The following MPDZ variants were observed in gnomAD, a reference collection of about 807,000 sequenced individuals.
MPDZ encodes multiple PDZ domain protein.
In MPDZ, 234 loss-of-function variants were observed where a neutral mutation model predicts 239.1. The observed-to-expected ratio is 0.98, with a 90% CI of 0.88 to 1.09. The LOEUF is 1.09. MPDZ is among the 50% of genes least tolerant of loss of function. The pLI is 0.00. For missense variants in MPDZ, 3,175 were observed against 2,510.0 expected (o/e 1.26, Z -5.66); for synonymous variants, 1,048 against 881.3 (o/e 1.19, Z -3.35).
chr9:13,270,033 T>C (rs1009827479), intron 1 of MPDZ, among the ~76,000 whole-genome samples: 9 of 152,348 alleles, frequency 5.9e-5, no homozygotes, highest in African/African-American at 2.2e-4. Context: ...GGGGTTATCT[T>C]GACAAGTGAT....
rs774590252 is a variant in MPDZ at position 13,236,245 on chromosome 9, G to GTATATATATATATATATATA, written c.183+11389_183+11390insTATATATATATATATATATA. Reference sequence around the variant, plus strand: ...TGTGTGTATATGTATATGTGTGTGTGTGTGTATATATATATATATATATTT... The same window carrying GTATATATATATATATATATA: ...TGTGTGTATATGTATATGTGTGTGTGTATATATATATATATATATATGTGTATATATATATATATATATTT... On this transcript the variant is annotated intron_variant, in intron 3 of 46. Coordinates refer to ENST00000319217, the MANE Select transcript of MPDZ (RefSeq NM_001378778.1). Among the ~76,000 whole-genome samples, 34 of 13,454 alleles carry GTATATATATATATATATATA rather than the reference G, an allele frequency of 2.5e-3. 1 individual carries two copies. The highest frequency in any genetic ancestry group is 0.013 in the East Asian group (1 of 78). 8.8% of individuals were successfully genotyped at this position (13,454 alleles called of 152,430 possible). A position where few individuals can be genotyped will look rare whatever the true frequency, so the allele number is the denominator to read the frequency against.
At chr9:13,224,637 T>A in intron 3 of MPDZ, 54 bp from the exon 4 acceptor site, 1 of 1,203,352 alleles carries the variant, frequency 8.3e-7, no homozygotes, top group South Asian at 1.5e-5. Flanking sequence ...AACTATTTCA[T>A]AGAAAATATC....
chr9:13,145,927 C>CA, intron 26 of MPDZ, among the ~76,000 whole-genome samples: 2 of 151,602 alleles, frequency 1.3e-5, no homozygotes, highest in South Asian at 2.1e-4. Flanking sequence ...ATAAATAAAA[C>CA]AAAAAAAGGA....
At chr9:13,262,870 T>C in intron 1 of MPDZ, among the ~76,000 whole-genome samples, 1 of 152,208 alleles carries the variant, frequency 6.6e-6, no homozygotes, top group Admixed American at 6.5e-5. Context: ...TAAAAAATAG[T>C]ATATGGGCCA....
chr9:13,124,938 T>C (rs1944899469), intron 35 of MPDZ, among the ~76,000 whole-genome samples: 1 of 152,152 alleles, frequency 6.6e-6, no homozygotes, highest in Non-Finnish European at 1.5e-5. Context: ...AAGAATACTA[T>C]TCCCTTGTTT....
At chr9:13,189,528 C>A (rs1954611755) in intron 16 of MPDZ, among the ~76,000 whole-genome samples, 1 of 152,090 alleles carries the variant, frequency 6.6e-6, no homozygotes, top group Admixed American at 6.6e-5. Flanking sequence ...GAGTCAGGCC[C>A]TATGAACACA....
intron 32 of MPDZ, 73 bp downstream of exon 32, chr9:13,133,751 T>C (rs1946351108): frequency 9.1e-7 from 1 of 1,099,144 alleles, no homozygotes. Context: ...ACCACACTTT[T>C]GAGAACACAG....
At chr9:13,176,957 G>C (rs561046172) in intron 19 of MPDZ, among the ~76,000 whole-genome samples, 1 of 152,120 alleles carries the variant, frequency 6.6e-6, no homozygotes, top group African/African-American at 2.4e-5. Context: ...AATTATCGTA[G>C]GAAAAATTTG....
Position 13,140,165 on chromosome 9 carries a change from G to C in MPDZ, c.3841-16C>G, listed in dbSNP as rs376063407. On this transcript the variant is annotated splice_polypyrimidine_tract_variant and intron_variant, in intron 27 of 46. Coordinates refer to ENST00000319217, the MANE Select transcript of MPDZ (RefSeq NM_001378778.1). ...GACTGGGTGCCTGTGGGAACAAAAA[G>C]AATGCAGTGGGTTTGTACAGTCTAA... is the stretch of plus-strand genomic sequence containing the variant. 9.3e-6 allele frequency: 15 copies of C among 1,611,812 alleles called. No homozygotes were observed. Among genetic ancestry groups the C allele is most frequent in the Middle Eastern group, 1.6e-4 (1 of 6,076 alleles).
rs1409555171 is a variant in MPDZ, at chr9:13,112,047, C to T, written c.5701G>A (p.Ala1901Thr). 1 of 1,613,604 alleles carries T rather than the reference C, an allele frequency of 6.2e-7. No individual in the cohort carries two copies. Among genetic ancestry groups the T allele is most frequent in the Non-Finnish European group, 8.5e-7 (1 of 1,179,630 alleles). The change falls in exon 43 of 47, where the codon GCA becomes ACA. Residue 1901 changes from alanine to threonine, a missense_variant. Physicochemically the swap from Ala to Thr is moderately conservative, Grantham distance 58 (BLOSUM62 0). Transcript: ENST00000319217. ...FIAMMHPTGV[A>T]AQTQKLRVGD... Reference sequence around the variant, plus strand: ...ACTCTGAGTTTTTGGGTCTGTGCTGCAACTCCAGTTGGGTGCATCATTGCA... The same window carrying T: ...ACTCTGAGTTTTTGGGTCTGTGCTGTAACTCCAGTTGGGTGCATCATTGCA...
chr9:13,127,241 T>C (rs1433259938), intron 32 of MPDZ, among the ~76,000 whole-genome samples: 1 of 152,176 alleles, frequency 6.6e-6, no homozygotes, highest in African/African-American at 2.4e-5. Flanking sequence ...CTGCCATTAC[T>C]GATGCAGACT....
At chr9:13,116,895 G>A (rs1034677888) in intron 39 of MPDZ, among the ~76,000 whole-genome samples, 9 of 152,014 alleles carry the variant, frequency 5.9e-5, no homozygotes, top group East Asian at 3.9e-4. Context: ...GCATCTATGC[G>A]GTAAATACAA....
intron 46 of MPDZ, among the ~76,000 whole-genome samples, 183 bp downstream of exon 46, chr9:13,108,753 T>C (rs1941912758): frequency 1.3e-5 from 2 of 152,138 alleles, no homozygotes; most frequent in East Asian, 1.9e-4. Context: ...TTCCTTTAAA[T>C]ATAATGAAAC....
rs376956306 is a variant in MPDZ, at chr9:13,107,115, C to A, written c.6067-4G>T. 124 of 1,560,558 alleles carry A rather than the reference C, an allele frequency of 7.9e-5. No individual in the cohort carries two copies. Among genetic ancestry groups the A allele is most frequent in the Middle Eastern group, 6.9e-4 (4 of 5,830 alleles). ...GTCCGTCTTCAGAGGCTGCTCCCTG[C>A]AAATTATAAAGTAGACTTGTTTATT... On this transcript the variant is annotated splice_region_variant and splice_polypyrimidine_tract_variant and intron_variant, in intron 46 of 46. Transcript: ENST00000319217.
chr9:13,139,729 T>A (rs774318463), intron 28 of MPDZ, among the ~76,000 whole-genome samples: 8 of 152,044 alleles, frequency 5.3e-5, no homozygotes, highest in Non-Finnish European at 1.2e-4. Flanking sequence ...TCTGAGAGAG[T>A]GCCCTGTCCT....
chr9:13,247,321 T>C lies in MPDZ; in HGVS notation c.183+314A>G, dbSNP rs578205064. Among the ~76,000 whole-genome samples, 5 of 152,336 alleles carry C rather than the reference T, an allele frequency of 3.3e-5. No individual in the cohort carries two copies. In the East Asian group the frequency reaches 9.6e-4, roughly 29 times the overall value. On this transcript the variant is annotated intron_variant, in intron 3 of 46. Transcript: ENST00000319217. Reference sequence around the variant, plus strand: ...TCACATGAACAATGAGCCTCAGTGATGATGGAAACTAAGTCTACAGCCAAC... The same window carrying C: ...TCACATGAACAATGAGCCTCAGTGACGATGGAAACTAAGTCTACAGCCAAC...
chr9:13,222,156 C>T (rs909564617), intron 6 of MPDZ, 77 bp downstream of exon 6: 2 of 1,234,910 alleles, frequency 1.6e-6, no homozygotes, highest in Non-Finnish European at 1.1e-6. Context: ...AGACCCTACA[C>T]AAATTAGAAA....
chr9:13,170,530 A>G (rs1244736079), intron 21 of MPDZ, among the ~76,000 whole-genome samples: 1 of 152,194 alleles, frequency 6.6e-6, no homozygotes, highest in Non-Finnish European at 1.5e-5. Flanking sequence ...TCCATTTTGT[A>G]CTGTTAAAGC....
Position 13,138,111 on chromosome 9 carries a change from T to G in MPDZ, c.4046A>C (p.His1349Pro), listed in dbSNP as rs777185937. ...ERYGTLTGEL[H>P]MIELEKGHSG... is the part of the protein sequence containing the mutation. ...ATGACCTTTCTCCAGTTCAATCATA[T>G]GCAGCTCGCCTGTTAGGGTTCCATA... Residue 1349 changes from histidine (H) to proline (P), a missense_variant, in exon 29 of 47, where the codon CAT becomes CCT. Physicochemically the swap from His to Pro is moderately conservative, Grantham distance 77. Coordinates refer to ENST00000319217, the MANE Select transcript of MPDZ (RefSeq NM_001378778.1). The G allele has an allele frequency of 6.2e-7, 1 of 1,608,686 alleles. No individual in the cohort carries two copies. The highest frequency in any genetic ancestry group is 1.1e-5 in the South Asian group (1 of 89,966).
Sources: allele counts gnomAD v4.1 joint callset (sites outside exome capture counted in the v4.1 genomes callset), GRCh38; gene constraint gnomAD v4.1.1; transcripts MANE v1.5; gene names NCBI Gene and HGNC (gene_info 2026-07-23, HGNC 2026-07-21).